DOP1B: variants seen among roughly 807,000 people sequenced by gnomAD.
DOP1B encodes the protein DOP1 leucine zipper like protein B, also known as protein DOP1B.
DOP1B carries 174 observed loss-of-function variants against 233.5 expected under a neutral mutation model. That is an observed-to-expected ratio of 0.75 (90% CI 0.66 to 0.85). DOP1B has a LOEUF of 0.85. Ranked by LOEUF, DOP1B falls within the 40% of genes least tolerant of loss-of-function variation. The pLI is 0.00. For synonymous variants in DOP1B, 1,190 were observed against 1,185.6 expected, an observed-to-expected ratio of 1.00 and a Z score of -0.08; for missense variants, 2,652 against 2,846.6, an observed-to-expected ratio of 0.93 and a Z score of 1.56.
chr21:36,212,769 T>C (rs752749994), intron 7 of DOP1B, among the ~76,000 whole-genome samples: 2 of 152,208 alleles, frequency 1.3e-5, no homozygotes, highest in Non-Finnish European at 2.9e-5. Context: ...TCTGATCAAC[T>C]CTCAACATTT....
chr21:36,170,260 CT>C, intron 2 of DOP1B: 1 of 346,866 alleles, frequency 2.9e-6, no homozygotes, highest in Non-Finnish European at 5.4e-6. Flanking sequence ...TTTTGAGCAC[CT>C]TTTCATATGC....
At chr21:36,291,137 C>A (rs2067552536) in intron 35 of DOP1B, among the ~76,000 whole-genome samples, 1 of 150,902 alleles carries the variant, frequency 6.6e-6, no homozygotes, top group Non-Finnish European at 1.5e-5. Flanking sequence ...TGGTGGGCAC[C>A]TGTAATCCCA....
At chr21:36,164,987 C>A in intron 2 of DOP1B, 116 bp downstream of exon 2, 13 of 834,542 alleles carry the variant, frequency 1.6e-5, no homozygotes, top group South Asian at 5.0e-5. Context: ...TATATCATTA[C>A]ATATTATACA....
At chr21:36,165,799 T>A (rs749731446) in intron 2 of DOP1B, among the ~76,000 whole-genome samples, 3 of 146,312 alleles carry the variant, frequency 2.1e-5, no homozygotes, top group Non-Finnish European at 4.5e-5. Context: ...GACTGCAACC[T>A]CCACCTCCCA....
intron 10 of DOP1B, among the ~76,000 whole-genome samples, chr21:36,220,278 T>C (rs374886782): frequency 1.3e-5 from 2 of 152,212 alleles, no homozygotes; most frequent in East Asian, 1.9e-4. Flanking sequence ...TTTATTGTTT[T>C]TCTGAGTATG....
At chr21:36,263,693 G>A in intron 25 of DOP1B, 43 bp downstream of exon 25, 4 of 1,613,202 alleles carry the variant, frequency 2.5e-6, no homozygotes, top group Non-Finnish European at 3.4e-6. Context: ...TTTTCTCTTG[G>A]CACATATTTT....
chr21:36,200,505 C>G lies in DOP1B; in HGVS notation c.491+4C>G. The G allele has an allele frequency of 2.5e-6, 4 of 1,600,136 alleles. No individual in the cohort carries two copies. The highest frequency in any genetic ancestry group is 3.4e-6 in the Non-Finnish European group (4 of 1,174,964). On this transcript the variant is annotated splice_donor_region_variant and intron_variant, in intron 4 of 36. Transcript: ENST00000691173. The stretch of plus-strand genomic sequence containing the variant: ...AGGGCTCCGAGATCTCCGACAGGTG[C>G]GTGGGCGTCTTGTCCAGGCTGTGTT...
rs1003071122 is a variant in DOP1B, at chr21:36,245,635, G to C, written c.3655G>C (p.Glu1219Gln). 6.2e-7 allele frequency: 1 copy of C among 1,613,386 alleles called. No individual in the cohort carries two copies. The highest frequency in any genetic ancestry group is 8.5e-7 in the Non-Finnish European group (1 of 1,179,958). The change falls in exon 19 of 37, where the codon GAG (glutamate) becomes CAG (glutamine). Residue 1219 changes from glutamate to glutamine, a missense_variant. By Grantham distance (29) the Glu-to-Gln change is conservative (BLOSUM62 2). Coordinates refer to ENST00000691173, the MANE Select transcript of DOP1B (RefSeq NM_001320714.2). The surrounding 1 kb of genome is among the most constrained non-coding windows in gnomAD (Gnocchi z 5.5). ...RLLKQQRERQ[E>Q]AVEALFKHIL... ...GCTAAAGCAGCAGCGGGAAAGGCAG[G>C]AGGCCGTCGAGGCCTTGTTCAAGCA...
rs1223516327 is a variant in DOP1B, at chr21:36,293,576, G to A, written c.*5G>A. The A allele has an allele frequency of 3.1e-6, 5 of 1,613,702 alleles. No homozygotes were observed. The highest frequency in any genetic ancestry group is 3.4e-6 in the Non-Finnish European group (4 of 1,179,682). ...CTGGAACATCCAGAATGTTAACCAT[G>A]TGAGAGAGAATATGTTTAATCCATG... On this transcript the variant is annotated 3_prime_UTR_variant, in exon 37 of 37. Transcript: ENST00000691173.
Position 36,287,745 on chromosome 21 carries a change from C to G in DOP1B, c.6161-269C>G, listed in dbSNP as rs552007820. 2.0e-3 allele frequency among the ~76,000 whole-genome samples: 298 copies of G among 151,894 alleles called. 3 individuals carry two copies. The highest frequency in any genetic ancestry group is 7.7e-4 in the East Asian group (4 of 5,174). The stretch of plus-strand genomic sequence containing the variant: ...GGGACTACAGGCGCCCACCACCACG[C>G]CCGACTAATTTTTGTATTTTTAGTA... On this transcript the variant is annotated intron_variant, in intron 32 of 36. Coordinates refer to ENST00000691173, the MANE Select transcript of DOP1B (RefSeq NM_001320714.2).
intron 26 of DOP1B, among the ~76,000 whole-genome samples, chr21:36,266,713 C>T (rs1325634249): frequency 3.9e-5 from 6 of 152,194 alleles, no homozygotes; most frequent in Admixed American, 3.9e-4. Context: ...AACCTTTAGC[C>T]CCTCTCCCCT....
chr21:36,238,815 C>A, intron 17 of DOP1B, 114 bp downstream of exon 17: 2 of 1,009,550 alleles, frequency 2.0e-6, no homozygotes, highest in Non-Finnish European at 3.0e-6. Context: ...AAACATGAAC[C>A]CATATGACCG....
chr21:36,187,227 T>TCCCCTCCCC (rs1569008102), intron 2 of DOP1B, among the ~76,000 whole-genome samples: 1 of 143,778 alleles, frequency 7.0e-6, no homozygotes. Context: ...CTCCCCTCCC[T>TCCCCTCCCC]TCCCGGGGGA....
chr21:36,229,929 C>G (rs1336661273), intron 13 of DOP1B, among the ~76,000 whole-genome samples: 3 of 152,144 alleles, frequency 2.0e-5, no homozygotes, highest in African/African-American at 7.2e-5. Flanking sequence ...TCCCAAAGTG[C>G]TGGGATTACA....
Position 36,264,888 on chromosome 21 carries a change from C to G in DOP1B, c.5487+1074C>G, listed in dbSNP as rs187256281. ...AACTCATCATAGGAGAAGGAAAACT[C>G]AGAGTGGAATGCCAACTAATAAATA... is the stretch of plus-strand genomic sequence containing the variant. On this transcript the variant is annotated intron_variant, in intron 26 of 36. Coordinates refer to ENST00000691173, the MANE Select transcript of DOP1B (RefSeq NM_001320714.2). Among the ~76,000 whole-genome samples, 54 of 152,316 alleles carry G rather than the reference C, an allele frequency of 3.5e-4. 2 individuals are homozygous for G. Among genetic ancestry groups the G allele is most frequent in the Admixed American group, 3.0e-3 (46 of 15,298 alleles).
chr21:36,209,355 G>A (rs1477719338), intron 5 of DOP1B, among the ~76,000 whole-genome samples: 1 of 152,164 alleles, frequency 6.6e-6, no homozygotes, highest in East Asian at 1.9e-4. Flanking sequence ...CTGCCTGCCT[G>A]GCGGGTGATC....
At chr21:36,269,378 C>T (rs757528592) in intron 26 of DOP1B, among the ~76,000 whole-genome samples, 5 of 151,606 alleles carry the variant, frequency 3.3e-5, no homozygotes, top group South Asian at 2.1e-4. Context: ...TGGTCTCAAA[C>T]GCCTGACCTC....
intron 1 of DOP1B, among the ~76,000 whole-genome samples, chr21:36,160,824 C>T (rs568650839): frequency 3.8e-4 from 58 of 152,288 alleles, no homozygotes; most frequent in African/African-American, 1.4e-3. Flanking sequence ...CAGTTGTATG[C>T]ATTGTTTTAA....
intron 23 of DOP1B, among the ~76,000 whole-genome samples, chr21:36,257,178 A>G (rs1425218346): frequency 6.6e-6 from 1 of 152,140 alleles, no homozygotes; most frequent in African/African-American, 2.4e-5. Flanking sequence ...AGGGCAAGGT[A>G]TGGGGGAAGA....
Sources: gnomAD v4.1 joint callset for allele counts (sites outside exome capture counted in the v4.1 genomes callset) on GRCh38, gnomAD v4.1.1 for gene constraint, Gnocchi (gnomAD v3.1) non-coding constraint, MANE v1.5 for transcripts, NCBI Gene and HGNC (gene_info 2026-07-23, HGNC 2026-07-21) for gene names.